Variants in ATRNL1 observed in about 807,000 individuals in gnomAD.
ATRNL1 encodes the protein attractin like 1.
A neutral mutation model predicts 182.7 loss-of-function variants in ATRNL1; 95 were observed. The observed-to-expected ratio is 0.52, with a 90% CI of 0.44 to 0.62. ATRNL1 has a LOEUF of 0.62. Ranked by LOEUF, ATRNL1 falls within the 20% of genes least tolerant of loss-of-function variation. The probability of loss-of-function intolerance (pLI) is 0.00; values close to 1 mark genes in which losing one functional copy is unlikely to be tolerated. For synonymous variants in ATRNL1, 576 were observed against 568.3 expected, an observed-to-expected ratio of 1.01 and a Z score of -0.19; for missense variants, 1,471 against 1,679.5, an observed-to-expected ratio of 0.88 and a Z score of 2.17.
chr10:115,325,586 G>A (rs182413075), intron 18 of ATRNL1, among the ~76,000 whole-genome samples: 1 of 152,198 alleles, frequency 6.6e-6, no homozygotes, highest in Admixed American at 6.5e-5. Flanking sequence ...ACCATGTCAG[G>A]CTTCCTTGAT....
intron 20 of ATRNL1, among the ~76,000 whole-genome samples, chr10:115,413,733 A>T (rs1056673621): frequency 5.3e-5 from 8 of 152,118 alleles, no homozygotes; most frequent in Middle Eastern, 3.4e-3. Flanking sequence ...GGCTCATCTT[A>T]TTCCTCTTCT....
At chr10:115,694,364 C>A (rs1946487478) in intron 26 of ATRNL1, among the ~76,000 whole-genome samples, 1 of 151,826 alleles carries the variant, frequency 6.6e-6, no homozygotes, top group South Asian at 2.1e-4. Flanking sequence ...TGAATAGGTA[C>A]AATTTATTAT....
chr10:115,354,183 C>T (rs115650002), intron 19 of ATRNL1, among the ~76,000 whole-genome samples: 1,965 of 137,642 alleles, frequency 0.014, 38 homozygotes, highest in African/African-American at 0.051. Flanking sequence ...GTGTTTTATA[C>T]GTGGCCCATG....
At chr10:115,587,952 A>C (rs1324292482) in intron 26 of ATRNL1, among the ~76,000 whole-genome samples, 2 of 152,210 alleles carry the variant, frequency 1.3e-5, no homozygotes, top group Admixed American at 6.5e-5. Context: ...TTAAATGAAA[A>C]AAAGGAGAAA....
intron 26 of ATRNL1, among the ~76,000 whole-genome samples, chr10:115,690,161 G>A (rs554024025): frequency 2.6e-5 from 4 of 152,166 alleles, no homozygotes; most frequent in East Asian, 1.9e-4. Flanking sequence ...TTTGTCCCAC[G>A]GATGGTGCGC....
chr10:115,736,168 T>C (rs955984398), intron 27 of ATRNL1, among the ~76,000 whole-genome samples: 2 of 152,188 alleles, frequency 1.3e-5, no homozygotes, highest in East Asian at 3.9e-4. Context: ...GTGTTAAACC[T>C]CTTTCCATCT....
Position 115,306,871 on chromosome 10 carries a change from AT to A in ATRNL1, c.2818+4836del, listed in dbSNP as rs1234895258. On this transcript the variant is annotated intron_variant, in intron 17 of 28. Transcript: ENST00000355044. ...GCAAATATAAAAATTGTTGTAACTG[AT>A]TTTTTTTGAGAAGGTTAATGAAACA... Among the ~76,000 whole-genome samples the A allele has an allele frequency of 5.3e-5, 8 of 152,050 alleles. No homozygotes were observed. The South Asian group carries it at 8.3e-4, about 16-fold the overall frequency.
At chr10:115,798,072 C>T (rs1295598904) in intron 27 of ATRNL1, among the ~76,000 whole-genome samples, 1 of 152,158 alleles carries the variant, frequency 6.6e-6, no homozygotes, top group Non-Finnish European at 1.5e-5. Flanking sequence ...CACCTGCCAC[C>T]ACGCCCGGCT....
chr10:115,354,405 T>C, intron 19 of ATRNL1, among the ~76,000 whole-genome samples: 1 of 152,174 alleles, frequency 6.6e-6, no homozygotes, highest in Non-Finnish European at 1.5e-5. Flanking sequence ...AGCTTTTGTT[T>C]GTCTGGGAAA....
At chr10:115,704,927 G>C (rs1358741007) in intron 26 of ATRNL1, among the ~76,000 whole-genome samples, 1 of 149,062 alleles carries the variant, frequency 6.7e-6, no homozygotes, top group African/African-American at 2.5e-5. Context: ...TCTTCTCCTA[G>C]TTAACTCCTT....
intron 26 of ATRNL1, among the ~76,000 whole-genome samples, chr10:115,686,278 A>G (rs79928951): frequency 0.053 from 8,014 of 152,032 alleles, 707 homozygotes; most frequent in African/African-American, 0.18. Context: ...TTTGAGAAAG[A>G]AAACAGTACA....
chr10:115,566,547 C>T (rs1399262299), intron 26 of ATRNL1, among the ~76,000 whole-genome samples: 1 of 152,000 alleles, frequency 6.6e-6, no homozygotes, highest in Non-Finnish European at 1.5e-5. Context: ...TTAAAATGCA[C>T]TATTTTAGGA....
intron 9 of ATRNL1, among the ~76,000 whole-genome samples, chr10:115,223,887 A>ATGTGTG (rs1185815693): frequency 0.016 from 1,235 of 79,544 alleles, 7 homozygotes; most frequent in Non-Finnish European, 0.023. Flanking sequence ...TATTTAATAT[A>ATGTGTG]TGTGTGTGTG....
chr10:115,448,164 T>C (rs1036558538), intron 21 of ATRNL1, among the ~76,000 whole-genome samples: 1 of 152,196 alleles, frequency 6.6e-6, no homozygotes, highest in Non-Finnish European at 1.5e-5. Flanking sequence ...TTTTGTTCAT[T>C]ATTGATACAG....
intron 26 of ATRNL1, among the ~76,000 whole-genome samples, chr10:115,704,903 C>T (rs1555052624): frequency 6.6e-6 from 1 of 151,734 alleles, no homozygotes; most frequent in East Asian, 1.9e-4. Context: ...CCATAACCCT[C>T]TTCTCTTTCT....
intron 19 of ATRNL1, among the ~76,000 whole-genome samples, chr10:115,387,172 C>T (rs557036934): frequency 1.3e-5 from 2 of 152,080 alleles, no homozygotes; most frequent in Admixed American, 1.3e-4. Flanking sequence ...AGTAAACTAT[C>T]GCAAGGACAA....
At chr10:115,265,817 A>G (rs781864097) in intron 11 of ATRNL1, among the ~76,000 whole-genome samples, 6 of 151,884 alleles carry the variant, frequency 4.0e-5, no homozygotes, top group Non-Finnish European at 8.9e-5. Context: ...TTGTATTTCT[A>G]TGGCAAAAAT....
chr10:115,297,383 T>A (rs1853248953), intron 15 of ATRNL1, among the ~76,000 whole-genome samples: 1 of 152,096 alleles, frequency 6.6e-6, no homozygotes, highest in Non-Finnish European at 1.5e-5. Flanking sequence ...GGCTGACGCC[T>A]GTAATCCCAG....
intron 25 of ATRNL1, among the ~76,000 whole-genome samples, chr10:115,541,374 C>G (rs1554991930): frequency 6.6e-6 from 1 of 152,150 alleles, no homozygotes. Context: ...TATATACCTA[C>G]TACAGTGGAT....
Sources: gnomAD v4.1 joint callset for allele counts (sites outside exome capture counted in the v4.1 genomes callset) on GRCh38, gnomAD v4.1.1 for gene constraint, MANE v1.5 for transcripts, NCBI Gene and HGNC (gene_info 2026-07-23, HGNC 2026-07-21) for gene names.